KCNMA1: variants seen among roughly 807,000 people sequenced by gnomAD.
KCNMA1 encodes the protein potassium calcium-activated channel subfamily M alpha 1, also known as Calcium-activated potassium channel subunit alpha-1.
A neutral mutation model predicts 140.0 loss-of-function variants in KCNMA1; 29 were observed. The observed-to-expected ratio is 0.21, with a 90% CI of 0.15 to 0.28. The LOEUF (loss-of-function observed/expected upper bound fraction) is 0.28. KCNMA1 is among the 10% of genes least tolerant of loss of function. KCNMA1 has a pLI of 1.00. For synonymous variants in KCNMA1, 612 were observed against 611.9 expected (o/e 1.00, Z 0.00); for missense variants, 880 against 1,602.2 (o/e 0.55, Z 7.70).
At chr10:77,474,935 T>A (rs35798) in intron 1 of KCNMA1, among the ~76,000 whole-genome samples, 8 of 151,902 alleles carry the variant, frequency 5.3e-5, no homozygotes, top group African/African-American at 1.9e-4. Flanking sequence ...ATTTTGCCCC[T>A]GGGTAGCAAG....
At chr10:77,489,476 C>T (rs1452213001) in intron 1 of KCNMA1, among the ~76,000 whole-genome samples, 2 of 152,098 alleles carry the variant, frequency 1.3e-5, no homozygotes, top group Non-Finnish European at 2.9e-5. Flanking sequence ...GCTGGAATTA[C>T]AGGCACCCGC....
At chr10:77,005,078 A>G (rs2087943653) in intron 18 of KCNMA1, among the ~76,000 whole-genome samples, 1 of 152,180 alleles carries the variant, frequency 6.6e-6, no homozygotes, top group Non-Finnish European at 1.5e-5. Context: ...TTCTCAGACA[A>G]GGTTTTCCCC....
intron 1 of KCNMA1, among the ~76,000 whole-genome samples, chr10:77,508,705 G>A (rs1172266879): frequency 1.3e-5 from 2 of 149,182 alleles, no homozygotes; most frequent in Non-Finnish European, 3.0e-5. Flanking sequence ...TCTATAGCAC[G>A]AAGTACATTC....
intron 10 of KCNMA1, 105 bp downstream of exon 10, chr10:77,090,295 T>A: frequency 2.4e-6 from 2 of 833,594 alleles, no homozygotes; most frequent in South Asian, 1.4e-5. Flanking sequence ...TCTGGCCCCA[T>A]CCCCAGTGCC....
intron 23 of KCNMA1, 145 bp downstream of exon 23, chr10:76,944,628 C>T: frequency 1.4e-6 from 1 of 730,638 alleles, no homozygotes; most frequent in Non-Finnish European, 2.4e-6. Context: ...AGCAGATGCC[C>T]CTTTGAAAGC....
chr10:77,343,717 G>A (rs909551956), intron 2 of KCNMA1, among the ~76,000 whole-genome samples: 2 of 152,154 alleles, frequency 1.3e-5, no homozygotes, highest in African/African-American at 4.8e-5. Flanking sequence ...AAAACCAAGA[G>A]GTCATAGTGT....
At chr10:76,956,288 G>A (rs1317104512) in intron 20 of KCNMA1, among the ~76,000 whole-genome samples, 1 of 152,132 alleles carries the variant, frequency 6.6e-6, no homozygotes, top group East Asian at 1.9e-4. Context: ...TGGGGTAGTG[G>A]TTTCCAGAAA....
At chr10:77,605,601 G>C (rs890043237) in intron 1 of KCNMA1, among the ~76,000 whole-genome samples, 2 of 152,182 alleles carry the variant, frequency 1.3e-5, no homozygotes, top group East Asian at 3.9e-4. Flanking sequence ...TCCCTCCTCT[G>C]CTGGGACAGT....
At chr10:77,589,879 G>A (rs925252741) in intron 1 of KCNMA1, among the ~76,000 whole-genome samples, 11 of 152,156 alleles carry the variant, frequency 7.2e-5, no homozygotes, top group Non-Finnish European at 1.6e-4. Context: ...GCCACTGCTG[G>A]CTGCGGCAGC....
At chr10:77,110,455 T>C in intron 7 of KCNMA1, 112 bp from the exon 8 acceptor site, 1 of 881,768 alleles carries the variant, frequency 1.1e-6, no homozygotes, top group South Asian at 1.3e-5. Flanking sequence ...TGCACACCAC[T>C]CTCCACACGA....
chr10:77,005,329 C>G (rs953307542), intron 18 of KCNMA1, among the ~76,000 whole-genome samples: 2 of 152,174 alleles, frequency 1.3e-5, no homozygotes, highest in African/African-American at 2.4e-5. Flanking sequence ...GGAGATGAGC[C>G]TAGGGTCTGC....
At chr10:77,073,048 C>A (rs201294119) in intron 14 of KCNMA1, 49 bp downstream of exon 14, 1 of 1,580,206 alleles carries the variant, frequency 6.3e-7, no homozygotes, top group African/African-American at 1.3e-5. Flanking sequence ...CTCAACCCCA[C>A]GACAAATGGA....
intron 14 of KCNMA1, among the ~76,000 whole-genome samples, chr10:77,052,633 A>AC (rs397720985): frequency 6.6e-6 from 1 of 150,922 alleles, no homozygotes; most frequent in Non-Finnish European, 1.5e-5. Context: ...AAAAAAAAAA[A>AC]GGGTACTTAT....
At position 76,932,927 on chromosome 10, in the gene KCNMA1, C is replaced by G. The variant is rs75348966; in HGVS notation, c.2902+11846G>C. 4.5e-3 allele frequency among the ~76,000 whole-genome samples: 682 copies of G among 152,312 alleles called. 5 individuals are homozygous for G. The highest frequency in any genetic ancestry group is 0.016 in the African/African-American group (652 of 41,572). ...CTGCCCTTTGTTGAACTTTGGAGGTCTCAGTCCTACAGCCTTGGGCCCTGG... is the reference window on the plus strand; with the variant it reads ...CTGCCCTTTGTTGAACTTTGGAGGTGTCAGTCCTACAGCCTTGGGCCCTGG... On this transcript the variant is annotated intron_variant, in intron 23 of 27. Transcript: ENST00000286628.
chr10:76,967,265 A>T (rs1330037177), intron 20 of KCNMA1, among the ~76,000 whole-genome samples: 2 of 152,156 alleles, frequency 1.3e-5, no homozygotes, highest in African/African-American at 4.8e-5. Flanking sequence ...CATGTCGAAA[A>T]ATCCACTTCA....
At chr10:77,112,261 C>T (rs1029652892) in intron 7 of KCNMA1, 106 bp downstream of exon 7, 31 of 825,382 alleles carry the variant, frequency 3.8e-5, no homozygotes, top group East Asian at 2.1e-4. Flanking sequence ...TGTCTACAAC[C>T]GAGGTGAAGT....
rs2036415607 is a variant in KCNMA1 at position 76,885,353 on chromosome 10, T to A, written c.*1913A>T. ...AAATTCTTCCACTCATAGGGCTTGA[T>A]AATTTACATGTATACAATTATTCCC... On this transcript the variant is annotated 3_prime_UTR_variant, in exon 28 of 28. Coordinates refer to ENST00000286628, the MANE Select transcript of KCNMA1 (RefSeq NM_001161352.2). 9.1e-6 allele frequency: 9 copies of A among 984,442 alleles called. No homozygotes were observed. Among genetic ancestry groups the A allele is most frequent in the Non-Finnish European group, 1.1e-5 (9 of 829,268 alleles). 61.0% of individuals were successfully genotyped at this position (984,442 alleles called of 1,614,324 possible). A position where few individuals can be genotyped will look rare whatever the true frequency, so the allele number is the denominator to read the frequency against.
chr10:77,083,334 T>G (rs1269845583), intron 12 of KCNMA1, among the ~76,000 whole-genome samples: 1 of 152,154 alleles, frequency 6.6e-6, no homozygotes, highest in Non-Finnish European at 1.5e-5. Flanking sequence ...ACAATGTGAC[T>G]ACTGGGTTTA....
At chr10:77,418,752 T>A (rs1452151522) in intron 1 of KCNMA1, among the ~76,000 whole-genome samples, 2 of 152,160 alleles carry the variant, frequency 1.3e-5, no homozygotes, top group Non-Finnish European at 2.9e-5. Flanking sequence ...CCCAACTTTC[T>A]AAATTGGTGA....
Sources: allele counts gnomAD v4.1 joint callset (sites outside exome capture counted in the v4.1 genomes callset), GRCh38; gene constraint gnomAD v4.1.1; transcripts MANE v1.5; gene names NCBI Gene and HGNC (gene_info 2026-07-23, HGNC 2026-07-21).